Variants in ATRN observed in about 807,000 individuals in gnomAD.
The protein encoded by ATRN is attractin-2.
Under a neutral mutation model 178.7 loss-of-function variants are expected in ATRN, and 54 were observed. That is an observed-to-expected ratio of 0.30 (90% CI 0.24 to 0.38). The LOEUF is 0.38. Ranked by LOEUF, ATRN falls within the 10% of genes least tolerant of loss-of-function variation. The pLI, the probability that ATRN is intolerant of heterozygous loss-of-function variation, is 1.00. For synonymous variants in ATRN, 636 were observed against 663.0 expected (o/e 0.96, Z 0.63); for missense variants, 1,443 against 1,815.1 (o/e 0.79, Z 3.73).
In ATRN at chr20:3,565,423, T is replaced by C. The variant is rs2086018978; in HGVS notation, c.1862T>C (p.Leu621Ser). The C allele has an allele frequency of 1.2e-6, 2 of 1,613,006 alleles. No homozygotes were observed. Among genetic ancestry groups the C allele is most frequent in the Non-Finnish European group, 1.7e-6 (2 of 1,178,990 alleles). The change falls in exon 11 of 29, where the codon TTA (leucine) becomes TCA (serine). Residue 621 changes from leucine to serine, a missense_variant. Leu to Ser is a moderately radical substitution (Grantham distance 145, BLOSUM62 -2). Transcript: ENST00000262919. ...AACAGATTTGGCCATTCAGCAGTCT[T>C]ACACAACAGGTAATTGGAGAAGTGA... ...DVNRFGHSAV[L>S]HNSTMYVFGG...
chr20:3,513,500 T>C (rs1035203414), intron 1 of ATRN, among the ~76,000 whole-genome samples: 1 of 152,248 alleles, frequency 6.6e-6, no homozygotes, highest in Non-Finnish European at 1.5e-5. Context: ...CATGCTGTTT[T>C]GGTTACTGTA....
chr20:3,589,134 C>T (rs2086402706), intron 18 of ATRN, among the ~76,000 whole-genome samples: 1 of 151,884 alleles, frequency 6.6e-6, no homozygotes, highest in East Asian at 1.9e-4. Context: ...AGGCGCACGC[C>T]ACCACTCCTA....
chr20:3,630,916 C>T (rs1404493506), intron 25 of ATRN, among the ~76,000 whole-genome samples: 39 of 43,426 alleles, frequency 9.0e-4, no homozygotes, highest in Admixed American at 1.3e-3. Context: ...ATTTATTTAG[C>T]TTTTTTTTTT....
chr20:3,581,635 G>A (rs1461396232), intron 15 of ATRN, among the ~76,000 whole-genome samples: 3 of 151,824 alleles, frequency 2.0e-5, no homozygotes, highest in Admixed American at 2.0e-4. Context: ...CATCATGTTG[G>A]CACTCAAAAA....
chr20:3,521,297 A>G (rs144058652), intron 1 of ATRN, among the ~76,000 whole-genome samples: 12 of 152,276 alleles, frequency 7.9e-5, no homozygotes, highest in African/African-American at 2.9e-4. Flanking sequence ...TACGCATGCA[A>G]CAAACCTGCA....
rs758004678 is a variant in ATRN, at chr20:3,634,356, C to A, written c.3909C>A (p.Ile1303=). ...LLLVAAVVWK[I]KQSCWASRRR... Reference sequence around the variant, plus strand: ...TGGTGGCTGCTGTGGTTTGGAAGATCAAACAAAGTTGTTGGGCCTCCAGAC... The same window carrying A: ...TGGTGGCTGCTGTGGTTTGGAAGATAAAACAAAGTTGTTGGGCCTCCAGAC... Residue 1303 remains isoleucine, a synonymous_variant, in exon 26 of 29, where the codon ATC becomes ATA. Transcript: ENST00000262919. 9.9e-6 allele frequency: 16 copies of A among 1,612,660 alleles called. No individual in the cohort carries two copies. The highest frequency in any genetic ancestry group is 3.3e-5 in the Admixed American group (2 of 59,994).
chr20:3,601,095 A>G, intron 23 of ATRN, 71 bp downstream of exon 23: 1 of 1,408,220 alleles, frequency 7.1e-7, no homozygotes, highest in Non-Finnish European at 1.0e-6. Flanking sequence ...ATAGGAATTG[A>G]GAAAGCGAGC....
At chr20:3,512,371 C>T (rs1290934795) in intron 1 of ATRN, among the ~76,000 whole-genome samples, 2 of 149,256 alleles carry the variant, frequency 1.3e-5, no homozygotes, top group African/African-American at 2.5e-5. Context: ...GGTTTTTTGT[C>T]CTTGCGATAG....
intron 11 of ATRN, among the ~76,000 whole-genome samples, chr20:3,567,388 T>C (rs1236003147): frequency 1.3e-5 from 2 of 152,234 alleles, no homozygotes; most frequent in Non-Finnish European, 2.9e-5. Context: ...AAAACATTCT[T>C]AGGTTTTATT....
chr20:3,619,912 C>T (rs983695562), intron 24 of ATRN, among the ~76,000 whole-genome samples: 5 of 152,200 alleles, frequency 3.3e-5, no homozygotes, highest in Admixed American at 3.3e-4. Flanking sequence ...TAGAATGACA[C>T]TTAAGCACCA....
intron 1 of ATRN, among the ~76,000 whole-genome samples, chr20:3,529,658 G>A (rs1311275999): frequency 1.3e-5 from 2 of 152,162 alleles, no homozygotes; most frequent in Non-Finnish European, 2.9e-5. Flanking sequence ...GAGATTACCT[G>A]GAGAGGGATA....
rs11468707 is a variant in ATRN at position 3,535,588 on chromosome 20, T to TACACAC, written c.494+286_494+291dup. 7.1e-3 allele frequency among the ~76,000 whole-genome samples: 1,015 copies of TACACAC among 143,184 alleles called. 10 individuals are homozygous for TACACAC. Among genetic ancestry groups the TACACAC allele is most frequent in the African/African-American group, 0.024 (906 of 38,386 alleles). The allele number at this position is 143,184 out of a possible 152,430, so 93.9% of individuals were successfully genotyped here. A position where few individuals can be genotyped will look rare whatever the true frequency, so the allele number is the denominator to read the frequency against. ...CCAACTGTAATAGTTCAGAAACGGTTACACACACACACACACACACACACA... is the reference window on the plus strand; with the variant it reads ...CCAACTGTAATAGTTCAGAAACGGTTACACACACACACACACACACACACACACACA... On this transcript the variant is annotated intron_variant, in intron 2 of 28. Transcript: ENST00000262919.
At chr20:3,616,022 A>T (rs2086842630) in intron 24 of ATRN, 1 of 150,754 alleles carries the variant, frequency 6.6e-6, no homozygotes, top group Admixed American at 7.1e-5. Context: ...GTGCACATGT[A>T]CCCTAAAACT....
intron 1 of ATRN, among the ~76,000 whole-genome samples, chr20:3,504,866 C>T (rs2085019165): frequency 6.6e-6 from 1 of 151,952 alleles, no homozygotes; most frequent in Non-Finnish European, 1.5e-5. Context: ...AGTGAGGTTT[C>T]CACACTTTGT....
At chr20:3,573,091 T>C in intron 12 of ATRN, 140 bp downstream of exon 12, 1 of 806,842 alleles carries the variant, frequency 1.2e-6, no homozygotes, top group Non-Finnish European at 1.9e-6. Context: ...CAAAGTGTTT[T>C]TGGATATTTG....
rs147472093 is a variant in ATRN, at chr20:3,593,269, A to G, written c.3323-1210A>G. Among the ~76,000 whole-genome samples, 820 of 152,294 alleles carry G rather than the reference A, an allele frequency of 5.4e-3. 13 individuals are homozygous for G. Among genetic ancestry groups the G allele is most frequent in the African/African-American group, 0.018 (757 of 41,546 alleles). On this transcript the variant is annotated intron_variant, in intron 19 of 28. Coordinates refer to ENST00000262919, the MANE Select transcript of ATRN (RefSeq NM_139321.3). ...GCCTTATTTTTCAGAGTCCTAATCC[A>G]CGGTAGAAAGCGTGGTGTTTATAGA...
chr20:3,641,406 C>T lies in ATRN; in HGVS notation c.4050+2471C>T, dbSNP rs1600174619. On this transcript the variant is annotated intron_variant, in intron 27 of 28. Transcript: ENST00000262919. ...AGGAGTTCAAGACCAGCCTGGCCAACATGGTGAAACCCCATCTCTACTAAA... is the reference window on the plus strand; with the variant it reads ...AGGAGTTCAAGACCAGCCTGGCCAATATGGTGAAACCCCATCTCTACTAAA... 2.0e-5 allele frequency among the ~76,000 whole-genome samples: 3 copies of T among 151,878 alleles called. No individual in the cohort carries two copies. In the East Asian group the frequency reaches 5.8e-4, roughly 30 times the overall value.
intron 24 of ATRN, chr20:3,615,808 C>T (rs1423421755): frequency 4.4e-6 from 2 of 455,106 alleles, no homozygotes; most frequent in South Asian, 1.6e-5. Context: ...AAACTGAACA[C>T]CGCTTGTTCT....
At chr20:3,594,952 T>A (rs2086504457) in intron 20 of ATRN, among the ~76,000 whole-genome samples, 1 of 152,186 alleles carries the variant, frequency 6.6e-6, no homozygotes, top group East Asian at 1.9e-4. Flanking sequence ...ATGGCATTTA[T>A]TTGGCGTTTG....
Sources: allele counts gnomAD v4.1 joint callset (sites outside exome capture counted in the v4.1 genomes callset), GRCh38; gene constraint gnomAD v4.1.1; transcripts MANE v1.5; gene names NCBI Gene and HGNC (gene_info 2026-07-23, HGNC 2026-07-21).